Variants in TMTC4 observed in about 807,000 individuals in gnomAD.
TMTC4 encodes transmembrane O-mannosyltransferase targeting cadherins 4.
In TMTC4, 65 loss-of-function variants were observed where a neutral mutation model predicts 86.0. That is an observed-to-expected ratio of 0.76 (90% CI 0.62 to 0.93). TMTC4 has a LOEUF of 0.93. Among genes scored for constraint, TMTC4 ranks in the 40% least tolerant of loss-of-function variants. The pLI is 0.00. For missense variants in TMTC4, 866 were observed against 948.1 expected, an observed-to-expected ratio of 0.91 and a Z score of 1.14; for synonymous variants, 379 against 382.5, an observed-to-expected ratio of 0.99 and a Z score of 0.11.
intron 15 of TMTC4, among the ~76,000 whole-genome samples, chr13:100,615,957 T>C (rs1275970323): frequency 6.6e-6 from 1 of 152,188 alleles, no homozygotes; most frequent in African/African-American, 2.4e-5. Flanking sequence ...TCTTTATGTA[T>C]TAGCGCTCAC....
intron 6 of TMTC4, among the ~76,000 whole-genome samples, chr13:100,653,858 G>A (rs750079937): frequency 1.3e-5 from 2 of 152,146 alleles, no homozygotes; most frequent in Admixed American, 6.5e-5. Context: ...CAAAATGCAC[G>A]CCCAACAATC....
Position 100,626,063 on chromosome 13 carries a change from C to T in TMTC4, c.1586+8G>A, listed in dbSNP as rs760149233. ...ACATAATTCTTCTGTAAGACATACT[C>T]GCCATACCTTACAGCTTCCCGGTAG... On this transcript the variant is annotated splice_region_variant and intron_variant, in intron 13 of 18. Transcript: ENST00000342624. 1.3e-5 allele frequency: 21 copies of T among 1,614,018 alleles called. No individual in the cohort carries two copies. Among genetic ancestry groups the T allele is most frequent in the Non-Finnish European group, 1.4e-5 (16 of 1,180,012 alleles).
At chr13:100,659,484 C>T (rs1594361258) in intron 5 of TMTC4, among the ~76,000 whole-genome samples, 2 of 152,064 alleles carry the variant, frequency 1.3e-5, no homozygotes, top group East Asian at 3.9e-4. Flanking sequence ...TGTTGGAATT[C>T]AGACAAAGTG....
chr13:100,614,054 G>A (rs1431266489), intron 16 of TMTC4, among the ~76,000 whole-genome samples: 1 of 151,730 alleles, frequency 6.6e-6, no homozygotes, highest in Admixed American at 6.6e-5. Flanking sequence ...GGTCAGGCTG[G>A]TCTCGAACTC....
chr13:100,614,508 A>G, intron 15 of TMTC4, 78 bp from the exon 16 acceptor site: 12 of 1,094,454 alleles, frequency 1.1e-5, no homozygotes, highest in Non-Finnish European at 1.6e-5. Flanking sequence ...AAAAAAAAAA[A>G]AAAAGAAAGA....
chr13:100,618,537 A>AG (rs1169208874), intron 15 of TMTC4, among the ~76,000 whole-genome samples: 1 of 142,412 alleles, frequency 7.0e-6, no homozygotes, highest in Non-Finnish European at 1.5e-5. Flanking sequence ...TTTCTCGCAG[A>AG]GGGGGATTTG....
intron 3 of TMTC4, among the ~76,000 whole-genome samples, chr13:100,666,393 C>A (rs1886405056): frequency 6.6e-6 from 1 of 152,172 alleles, no homozygotes; most frequent in Non-Finnish European, 1.5e-5. Context: ...AAAAGGGGCA[C>A]AGTGTGATGC....
At chr13:100,660,911 C>T (rs1037927991) in intron 5 of TMTC4, among the ~76,000 whole-genome samples, 3 of 152,126 alleles carry the variant, frequency 2.0e-5, no homozygotes, top group African/African-American at 7.2e-5. Context: ...GCTTCGGCCT[C>T]CCGAAGTGCT....
chr13:100,655,542 A>G (rs1547771), intron 6 of TMTC4, among the ~76,000 whole-genome samples: 108,288 of 151,774 alleles, frequency 0.71, 39,667 homozygotes, highest in East Asian at 0.99. Flanking sequence ...GGGGCCGGCC[A>G]ATTCAACCTC....
In TMTC4 at chr13:100,626,131, T is replaced by C. The variant is rs536380119; in HGVS notation, c.1526A>G (p.Lys509Arg). The C allele has an allele frequency of 6.8e-6, 11 of 1,614,208 alleles. No homozygotes were observed. The East Asian group carries it at 1.1e-4, about 16-fold the overall frequency. Reference protein sequence around the residue: ...LNAKVHYNIGKNLADKGNQTA... With the variant: ...LNAKVHYNIGRNLADKGNQTA... ...CTGGTTGCCTTTATCAGCCAGGTTT[T>C]TGCCAATGTTGTAGTGAACCTGCAG... Residue 509 changes from lysine to arginine, a missense_variant, in exon 13 of 19, where the codon AAA becomes AGA. Physicochemically the swap from Lys to Arg is conservative, Grantham distance 26. Coordinates refer to ENST00000342624, the MANE Select transcript of TMTC4 (RefSeq NM_032813.5).
intron 8 of TMTC4, 86 bp from the exon 9 acceptor site, chr13:100,637,788 C>A (rs1236711092): frequency 6.4e-7 from 1 of 1,563,882 alleles, no homozygotes; most frequent in Non-Finnish European, 8.7e-7. Context: ...AGCAATTCTG[C>A]CTGAACTGCT....
chr13:100,637,416 G>T, intron 9 of TMTC4, 122 bp downstream of exon 9: 1 of 1,282,676 alleles, frequency 7.8e-7, no homozygotes, highest in Non-Finnish European at 1.1e-6. Flanking sequence ...AAACATGGAG[G>T]TGGCGCGTGT....
intron 17 of TMTC4, among the ~76,000 whole-genome samples, chr13:100,606,836 TCCCCCAAGAACCTACAA>T (rs1876698967): frequency 6.6e-6 from 1 of 151,874 alleles, no homozygotes; most frequent in Non-Finnish European, 1.5e-5. Context: ...CCATTTCCTC[TCCCCCAAGAACCTACAA>T]CACTCTGGGC....
In TMTC4 at chr13:100,624,341, C is replaced by CA. The variant is rs756269986; in HGVS notation, c.1836+1193dup. ...TGGGTGACAGAGTGAGACTCTGTCT[C>CA]AAAAAAAAAAAATAAAAAAAAAATA... On this transcript the variant is annotated intron_variant, in intron 15 of 18. Transcript: ENST00000342624. 522 of 61,368 alleles carry CA rather than the reference C, an allele frequency of 8.5e-3. 1 individual carries two copies. Among genetic ancestry groups the CA allele is most frequent in the Middle Eastern group, 0.056 (6 of 108 alleles). The allele number at this position is 61,368 out of a possible 1,614,324, so 3.8% of individuals were successfully genotyped here.
chr13:100,612,668 C>G (rs1247014663), intron 16 of TMTC4, among the ~76,000 whole-genome samples, 158 bp from the exon 17 acceptor site: 1 of 108,280 alleles, frequency 9.2e-6, no homozygotes. Context: ...CACACACACA[C>G]ACACACACAC....
chr13:100,667,155 C>G (rs892786625), intron 3 of TMTC4, among the ~76,000 whole-genome samples: 3 of 152,048 alleles, frequency 2.0e-5, no homozygotes, highest in Non-Finnish European at 4.4e-5. Context: ...AAATATTGGC[C>G]GGGTGTGGTG....
rs985332127 is a variant in TMTC4, at chr13:100,606,653, G to A, written c.2065-226C>T. 5.9e-5 allele frequency among the ~76,000 whole-genome samples: 9 copies of A among 152,184 alleles called. No individual in the cohort carries two copies. The East Asian group carries it at 9.6e-4, about 16-fold the overall frequency. Reference sequence around the variant, plus strand: ...CCGCAGAGAGGGGATGAACATGTTCGTGAGTGCCACCACCTGCCTCCCTGC... The same window carrying A: ...CCGCAGAGAGGGGATGAACATGTTCATGAGTGCCACCACCTGCCTCCCTGC... On this transcript the variant is annotated intron_variant, in intron 17 of 18. Transcript: ENST00000342624.
At chr13:100,617,083 C>T (rs912337829) in intron 15 of TMTC4, among the ~76,000 whole-genome samples, 19 of 151,674 alleles carry the variant, frequency 1.3e-4, no homozygotes, top group African/African-American at 4.1e-4. Context: ...AATTCTTTCC[C>T]AGGGCTGATG....
At chr13:100,651,620 C>T (rs906111674) in intron 6 of TMTC4, among the ~76,000 whole-genome samples, 1 of 151,076 alleles carries the variant, frequency 6.6e-6, no homozygotes, top group African/African-American at 2.4e-5. Flanking sequence ...AGTTAAAAAT[C>T]GTCCAGAGCT....
Sources: allele counts gnomAD v4.1 joint callset (sites outside exome capture counted in the v4.1 genomes callset), GRCh38; gene constraint gnomAD v4.1.1; transcripts MANE v1.5; gene names NCBI Gene and HGNC (gene_info 2026-07-23, HGNC 2026-07-21).